SNX10: variants seen among roughly 807,000 people sequenced by gnomAD.
SNX10 encodes the protein sorting nexin 10.
In SNX10, 25 loss-of-function variants were observed where a neutral mutation model predicts 28.5. The ratio of observed to expected loss-of-function variants is 0.88; its 90% CI spans 0.64 to 1.22. The LOEUF is 1.22. Among genes scored for constraint, SNX10 ranks in the 50% most tolerant of loss-of-function variants. The pLI is 0.00. For synonymous variants in SNX10, 62 were observed against 81.4 expected (o/e 0.76, Z 1.28); for missense variants, 223 against 242.6 (o/e 0.92, Z 0.54).
At chr7:26,348,598 G>T (rs1052777028) in intron 2 of SNX10, among the ~76,000 whole-genome samples, 5 of 152,218 alleles carry the variant, frequency 3.3e-5, no homozygotes, top group African/African-American at 7.2e-5. Context: ...GCACCCATGT[G>T]TGGCAGTGTG....
rs74531209 is a variant in SNX10, at chr7:26,310,044, C to T, written c.-24+17958C>T. 6.4e-3 allele frequency among the ~76,000 whole-genome samples: 982 copies of T among 152,296 alleles called. 10 individuals carry two copies. The highest frequency in any genetic ancestry group is 0.023 in the African/African-American group (936 of 41,556). On this transcript the variant is annotated intron_variant, in intron 1 of 6. Coordinates refer to ENST00000338523, the MANE Select transcript of SNX10 (RefSeq NM_013322.3). ...TTTAACATTATTCCCCAGTCTCATCCTCCACAGTCCAGTGGAGTTAGTTTA... is the reference window on the plus strand; with the variant it reads ...TTTAACATTATTCCCCAGTCTCATCTTCCACAGTCCAGTGGAGTTAGTTTA...
intron 1 of SNX10, among the ~76,000 whole-genome samples, chr7:26,322,306 A>G (rs1370742266): frequency 1.3e-5 from 2 of 152,222 alleles, no homozygotes; most frequent in African/African-American, 4.8e-5. Flanking sequence ...TTTGCTCTTT[A>G]TATGAAAGGC....
At chr7:26,370,035 C>A (rs1789454104) in intron 5 of SNX10, among the ~76,000 whole-genome samples, 1 of 152,144 alleles carries the variant, frequency 6.6e-6, no homozygotes, top group South Asian at 2.1e-4. Context: ...CATCTAAAAT[C>A]AATTTTAAAG....
At position 26,365,117 on chromosome 7, in the gene SNX10, C is replaced by T. The variant is rs774036256; in HGVS notation, c.283C>T (p.Arg95Cys). 2.4e-5 allele frequency: 38 copies of T among 1,612,532 alleles called. No homozygotes were observed. The highest frequency in any genetic ancestry group is 3.0e-5 in the Non-Finnish European group (35 of 1,178,712). ...CAATCGCCAGCACGTGGATCAGCGT[C>T]GCCAGGGTCTGGAAGATTTCCTCAG... is the stretch of plus-strand genomic sequence containing the variant. ...MNNRQHVDQR[R>C]QGLEDFLRKV... Residue 95 changes from arginine (R) to cysteine (C), a missense_variant, in exon 5 of 7, where the codon CGC becomes TGC. Arg to Cys is a radical substitution (Grantham distance 180). Transcript: ENST00000338523.
chr7:26,343,968 A>T (rs1326853276), intron 1 of SNX10, among the ~76,000 whole-genome samples: 2 of 152,180 alleles, frequency 1.3e-5, no homozygotes, highest in East Asian at 3.9e-4. Flanking sequence ...TTTGTTTTAA[A>T]TGGTAAAAAA....
intron 5 of SNX10, 122 bp downstream of exon 5, chr7:26,365,267 A>G: frequency 1.6e-6 from 1 of 615,392 alleles, no homozygotes; most frequent in Non-Finnish European, 3.0e-6. Context: ...GCACTAGAGC[A>G]AAACCCAGTG....
At chr7:26,344,984 G>T (rs887113951) in intron 1 of SNX10, among the ~76,000 whole-genome samples, 1 of 152,128 alleles carries the variant, frequency 6.6e-6, no homozygotes, top group Non-Finnish European at 1.5e-5. Flanking sequence ...AGCCCCAGGG[G>T]CTCCATGGCT....
chr7:26,303,374 G>A (rs950063602), intron 1 of SNX10, among the ~76,000 whole-genome samples: 8 of 152,246 alleles, frequency 5.3e-5, no homozygotes, highest in Admixed American at 1.3e-4. Context: ...CTAACTCCCC[G>A]TCGCTGTTTC....
intron 1 of SNX10, among the ~76,000 whole-genome samples, chr7:26,334,736 G>A (rs549592194): frequency 6.6e-6 from 1 of 152,158 alleles, no homozygotes; most frequent in African/African-American, 2.4e-5. Flanking sequence ...AAGATGTGCT[G>A]TCATATCCTC....
At chr7:26,356,128 C>G (rs1788809227) in intron 2 of SNX10, among the ~76,000 whole-genome samples, 1 of 152,046 alleles carries the variant, frequency 6.6e-6, no homozygotes, top group African/African-American at 2.4e-5. Context: ...GGGGGAAAAA[C>G]AGGGAACATT....
chr7:26,294,786 T>C (rs912846883), intron 1 of SNX10, among the ~76,000 whole-genome samples: 6 of 152,150 alleles, frequency 3.9e-5, no homozygotes, highest in Admixed American at 2.0e-4. Flanking sequence ...TTGAGATAGG[T>C]ATTGTTTTTC....
At chr7:26,352,338 T>C (rs549819642) in intron 2 of SNX10, among the ~76,000 whole-genome samples, 2 of 152,172 alleles carry the variant, frequency 1.3e-5, no homozygotes, top group Non-Finnish European at 2.9e-5. Context: ...GCGAGATCAC[T>C]TGAGCCCAGG....
At chr7:26,292,580 A>G (rs185367241) in intron 1 of SNX10, among the ~76,000 whole-genome samples, 37 of 152,276 alleles carry the variant, frequency 2.4e-4, no homozygotes, top group African/African-American at 8.7e-4. Flanking sequence ...GAAAATCCAT[A>G]TAATTGACTG....
chr7:26,344,521 G>A (rs1045952329), intron 1 of SNX10, among the ~76,000 whole-genome samples: 13 of 152,164 alleles, frequency 8.5e-5, no homozygotes, highest in Non-Finnish European at 1.9e-4. Flanking sequence ...ATCATACGGT[G>A]TCTGTCTTTT....
At chr7:26,331,293 A>C (rs1278582817) in intron 1 of SNX10, among the ~76,000 whole-genome samples, 1 of 152,228 alleles carries the variant, frequency 6.6e-6, no homozygotes, top group Non-Finnish European at 1.5e-5. Flanking sequence ...CCCATTTAAA[A>C]TGTGCATACA....
At chr7:26,371,673 C>G (rs1297629979) in intron 5 of SNX10, 148 bp from the exon 6 acceptor site, 3 of 580,088 alleles carry the variant, frequency 5.2e-6, no homozygotes, top group Admixed American at 6.2e-5. Flanking sequence ...TGCTTTCCTC[C>G]CCTTAATGGG....
chr7:26,340,451 G>A (rs1314629974), intron 1 of SNX10, among the ~76,000 whole-genome samples: 1 of 152,176 alleles, frequency 6.6e-6, no homozygotes, highest in African/African-American at 2.4e-5. Flanking sequence ...GAAAAAGATT[G>A]CCAAGTGGTA....
chr7:26,310,743 G>A (rs1193126142), intron 1 of SNX10, among the ~76,000 whole-genome samples: 1 of 150,508 alleles, frequency 6.6e-6, no homozygotes, highest in African/African-American at 2.4e-5. Context: ...GTGCAGTGGC[G>A]CCATCTCGGC....
intron 1 of SNX10, among the ~76,000 whole-genome samples, chr7:26,318,867 AGAGTCACTTTTTCTCCACAT>A (rs1787197081): frequency 1.3e-5 from 2 of 152,198 alleles, no homozygotes; most frequent in South Asian, 4.1e-4. Context: ...GCTGTATGAA[AGAGTCACTTTTTCTCCACAT>A]GAGATCCCTT....
Sources: gnomAD v4.1 joint callset for allele counts (sites outside exome capture counted in the v4.1 genomes callset) on GRCh38, gnomAD v4.1.1 for gene constraint, MANE v1.5 for transcripts, NCBI Gene and HGNC (gene_info 2026-07-23, HGNC 2026-07-21) for gene names.